CNTNAP2: variants seen among roughly 807,000 people sequenced by gnomAD.
CNTNAP2 encodes contactin associated protein 2.
CNTNAP2 carries 98 observed loss-of-function variants against 155.2 expected under a neutral mutation model. The ratio of observed to expected loss-of-function variants is 0.63; its 90% CI spans 0.54 to 0.75. The LOEUF is 0.75. Among genes scored for constraint, CNTNAP2 ranks in the 30% least tolerant of loss-of-function variants. The pLI is 0.00. For synonymous variants in CNTNAP2, 651 were observed against 631.2 expected (o/e 1.03, Z -0.47); for missense variants, 1,727 against 1,688.1 (o/e 1.02, Z -0.40).
chr7:147,616,391 A>G (rs1801293869), intron 12 of CNTNAP2, among the ~76,000 whole-genome samples: 2 of 152,184 alleles, frequency 1.3e-5, no homozygotes, highest in Admixed American at 1.3e-4. Flanking sequence ...TTTCCATAAC[A>G]TGTAAGATAA....
chr7:147,224,064 C>G (rs1473780790), intron 8 of CNTNAP2, among the ~76,000 whole-genome samples: 1 of 151,618 alleles, frequency 6.6e-6, no homozygotes, highest in Non-Finnish European at 1.5e-5. Context: ...AGCGCTTGTT[C>G]CCATAGAGGT....
intron 15 of CNTNAP2, among the ~76,000 whole-genome samples, chr7:148,066,937 A>G (rs1051904358): frequency 1.3e-5 from 2 of 151,822 alleles, no homozygotes; most frequent in Admixed American, 6.6e-5. Context: ...TGTGTCTTTC[A>G]TTTCCAGAAG....
chr7:147,037,188 A>G (rs1289871873), intron 3 of CNTNAP2, among the ~76,000 whole-genome samples: 1 of 152,114 alleles, frequency 6.6e-6, no homozygotes, highest in East Asian at 1.9e-4. Context: ...TATGAACACT[A>G]TATTAGATGT....
intron 1 of CNTNAP2, among the ~76,000 whole-genome samples, chr7:146,444,210 A>G (rs1796368329): frequency 1.3e-5 from 2 of 152,030 alleles, no homozygotes; most frequent in Non-Finnish European, 2.9e-5. Flanking sequence ...TTTTTAGTAT[A>G]AACGGGGTTT....
intron 1 of CNTNAP2, among the ~76,000 whole-genome samples, chr7:146,204,883 T>C (rs1420254837): frequency 6.6e-6 from 1 of 151,972 alleles, no homozygotes; most frequent in African/African-American, 2.4e-5. Flanking sequence ...TATTTTCAAA[T>C]TGAAGCCAGA....
chr7:146,546,112 G>A (rs1340167621), intron 1 of CNTNAP2, among the ~76,000 whole-genome samples: 1 of 151,926 alleles, frequency 6.6e-6, no homozygotes, highest in Non-Finnish European at 1.5e-5. Flanking sequence ...ACTACAGTGA[G>A]ATTGGGGGTA....
At chr7:147,483,207 G>A (rs1798453923) in intron 10 of CNTNAP2, among the ~76,000 whole-genome samples, 1 of 138,068 alleles carries the variant, frequency 7.2e-6, no homozygotes, top group Non-Finnish European at 1.6e-5. Flanking sequence ...TCCAACCAAT[G>A]GCAAATAGAA....
intron 1 of CNTNAP2, among the ~76,000 whole-genome samples, chr7:146,225,909 T>C (rs1048016676): frequency 1.3e-5 from 2 of 152,230 alleles, no homozygotes; most frequent in African/African-American, 4.8e-5. Flanking sequence ...TTCAGCTCTT[T>C]CACTCTTTGT....
intron 3 of CNTNAP2, among the ~76,000 whole-genome samples, chr7:146,955,555 G>C (rs1797415806): frequency 6.6e-6 from 1 of 151,782 alleles, no homozygotes; most frequent in South Asian, 2.1e-4. Flanking sequence ...CATAGAAAAT[G>C]GTATCATTTA....
chr7:146,979,352 C>T (rs1452387178), intron 3 of CNTNAP2, among the ~76,000 whole-genome samples: 1 of 152,142 alleles, frequency 6.6e-6, no homozygotes, highest in African/African-American at 2.4e-5. Context: ...TTTCCCTCTT[C>T]CTAGAATACT....
rs1034145839 is a variant in CNTNAP2 at position 147,868,517 on chromosome 7, G to A, written c.2099-35048G>A. 3.2e-4 allele frequency among the ~76,000 whole-genome samples: 49 copies of A among 152,348 alleles called. 1 individual carries two copies. Among genetic ancestry groups the A allele is most frequent in the African/African-American group, 1.0e-3 (42 of 41,588 alleles). On this transcript the variant is annotated intron_variant, in intron 13 of 23. Transcript: ENST00000361727. The stretch of plus-strand genomic sequence containing the variant: ...GCTCTCTTCAGAGCTGTCAGACAGG[G>A]ATGTTTAAGTCTGCAGAAGTTGTCT...
intron 21 of CNTNAP2, among the ~76,000 whole-genome samples, chr7:148,335,915 A>G (rs184933759): frequency 2.5e-3 from 378 of 152,126 alleles, no homozygotes; most frequent in African/African-American, 8.2e-3. Context: ...TGAAATTCCC[A>G]TATCTTTCAT....
chr7:146,117,295 T>G (rs1258441590), intron 1 of CNTNAP2: 4 of 319,306 alleles, frequency 1.3e-5, no homozygotes, highest in Non-Finnish European at 2.4e-5. Flanking sequence ...GTTAACTGCA[T>G]TTGGCTTAGG....
intron 8 of CNTNAP2, among the ~76,000 whole-genome samples, chr7:147,224,682 TG>T (rs1803480713): frequency 6.6e-6 from 1 of 152,194 alleles, no homozygotes; most frequent in Non-Finnish European, 1.5e-5. Flanking sequence ...GAAGTATGAA[TG>T]GGTGAAGTAT....
chr7:147,823,892 T>C (rs1415532208), intron 13 of CNTNAP2, among the ~76,000 whole-genome samples: 1 of 152,188 alleles, frequency 6.6e-6, no homozygotes, highest in Non-Finnish European at 1.5e-5. Flanking sequence ...ACAACTGTTA[T>C]ATTTAAAAAG....
At chr7:146,804,797 A>G (rs1230749482) in intron 2 of CNTNAP2, among the ~76,000 whole-genome samples, 1 of 152,190 alleles carries the variant, frequency 6.6e-6, no homozygotes, top group African/African-American at 2.4e-5. Flanking sequence ...GTGTAGCGTG[A>G]AAGTCACACA....
chr7:147,381,902 C>T (rs1347938152), intron 9 of CNTNAP2, among the ~76,000 whole-genome samples: 7 of 151,852 alleles, frequency 4.6e-5, no homozygotes, highest in Admixed American at 3.9e-4. Flanking sequence ...ACAACTAACA[C>T]AATATAGTTA....
At chr7:146,890,569 C>T (rs576314702) in intron 3 of CNTNAP2, among the ~76,000 whole-genome samples, 1 of 152,254 alleles carries the variant, frequency 6.6e-6, no homozygotes, top group Admixed American at 6.5e-5. Context: ...AATTTATTTT[C>T]CACTTTTGCT....
chr7:147,672,358 C>T (rs1333256465), intron 13 of CNTNAP2: 1 of 152,166 alleles, frequency 6.6e-6, no homozygotes, highest in African/African-American at 2.4e-5. Context: ...GACCCATTAT[C>T]AGAAGCTTTA....
Sources: allele counts gnomAD v4.1 joint callset (sites outside exome capture counted in the v4.1 genomes callset), GRCh38; gene constraint gnomAD v4.1.1; transcripts MANE v1.5; gene names NCBI Gene and HGNC (gene_info 2026-07-23, HGNC 2026-07-21).